The following GALNTL6 variants were observed in gnomAD, a reference collection of about 807,000 sequenced individuals.
GALNTL6 encodes the protein polypeptide N-acetylgalactosaminyltransferase like 6.
GALNTL6 carries 46 observed loss-of-function variants against 73.7 expected under a neutral mutation model. The ratio of observed to expected loss-of-function variants is 0.62; its 90% CI spans 0.49 to 0.80. The LOEUF is 0.80. GALNTL6 is among the 30% of genes least tolerant of loss of function. The probability of loss-of-function intolerance (pLI) is 0.00; values close to 1 mark genes in which losing one functional copy is unlikely to be tolerated. For missense variants in GALNTL6, 604 were observed against 755.0 expected (o/e 0.80, Z 2.34); for synonymous variants, 259 against 263.7 (o/e 0.98, Z 0.17).
chr4:172,743,545 G>A (rs1243506646), intron 5 of GALNTL6, among the ~76,000 whole-genome samples: 1 of 151,860 alleles, frequency 6.6e-6, no homozygotes, highest in Non-Finnish European at 1.5e-5. Flanking sequence ...TGAATTCTGG[G>A]GACTTTATCT....
chr4:172,130,729 C>T (rs114481566), intron 2 of GALNTL6, among the ~76,000 whole-genome samples: 70 of 151,872 alleles, frequency 4.6e-4, no homozygotes, highest in African/African-American at 1.4e-3. Context: ...TGAAAATTAC[C>T]GCAGTTTTAT....
At chr4:172,573,168 T>C (rs1050753197) in intron 5 of GALNTL6, among the ~76,000 whole-genome samples, 3 of 152,138 alleles carry the variant, frequency 2.0e-5, no homozygotes, top group Admixed American at 6.6e-5. Flanking sequence ...ATAAAAACAA[T>C]TATAAATTGA....
chr4:172,683,063 G>A (rs1055940811), intron 5 of GALNTL6, among the ~76,000 whole-genome samples: 1 of 152,280 alleles, frequency 6.6e-6, no homozygotes, highest in African/African-American at 2.4e-5. Flanking sequence ...ACACGAACCT[G>A]TTTCCTGCGT....
chr4:171,967,082 G>C (rs938846591), intron 2 of GALNTL6, among the ~76,000 whole-genome samples: 4 of 152,164 alleles, frequency 2.6e-5, no homozygotes, highest in Non-Finnish European at 5.9e-5. Flanking sequence ...AAACCTCCAA[G>C]TATATTTCAA....
chr4:172,730,784 G>A (rs1435680397), intron 5 of GALNTL6, among the ~76,000 whole-genome samples: 1 of 152,152 alleles, frequency 6.6e-6, no homozygotes, highest in Non-Finnish European at 1.5e-5. Flanking sequence ...TTTTGTAAGA[G>A]TTTGAATAGG....
intron 2 of GALNTL6, among the ~76,000 whole-genome samples, chr4:172,222,809 T>G (rs1736729022): frequency 6.6e-6 from 1 of 151,936 alleles, no homozygotes; most frequent in Non-Finnish European, 1.5e-5. Flanking sequence ...CTTGGTAAGC[T>G]TCATCAAGTT....
intron 5 of GALNTL6, among the ~76,000 whole-genome samples, chr4:172,369,986 C>T (rs1295159673): frequency 3.3e-5 from 5 of 152,302 alleles, no homozygotes; most frequent in Non-Finnish European, 5.9e-5. Flanking sequence ...AAGGAGGCGC[C>T]GAGAGCGAGC....
chr4:172,825,056 C>CT (rs36147306), intron 7 of GALNTL6, among the ~76,000 whole-genome samples: 29,431 of 118,168 alleles, frequency 0.25, 5,585 homozygotes, highest in Middle Eastern at 0.36. Context: ...ATTCTTTTTT[C>CT]TTTTTTTTTT....
chr4:172,663,221 G>A (rs574124835), intron 5 of GALNTL6, among the ~76,000 whole-genome samples: 1 of 152,100 alleles, frequency 6.6e-6, no homozygotes, highest in Non-Finnish European at 1.5e-5. Flanking sequence ...AACTATAATA[G>A]TATCACTCTG....
At chr4:172,336,763 T>A (rs1181577469) in intron 4 of GALNTL6, among the ~76,000 whole-genome samples, 1 of 152,120 alleles carries the variant, frequency 6.6e-6, no homozygotes, top group Non-Finnish European at 1.5e-5. Context: ...TCAAGTACAG[T>A]TTATCAAGTG....
In GALNTL6 at chr4:172,673,723, T is replaced by C. The variant is rs1375965178; in HGVS notation, c.554-135638T>C. On this transcript the variant is annotated intron_variant, in intron 5 of 12. Coordinates refer to ENST00000506823, the MANE Select transcript of GALNTL6 (RefSeq NM_001034845.3). ...TTGAATTGAACCCTTTATTGTTATG[T>C]AATGTCCTTCTTTGTCTTCTTTGAC... Among the ~76,000 whole-genome samples the C allele has an allele frequency of 7.2e-5, 11 of 152,232 alleles. No homozygotes were observed. The East Asian group carries it at 1.9e-3, about 27-fold the overall frequency.
chr4:172,410,574 G>A (rs116817271), intron 5 of GALNTL6, among the ~76,000 whole-genome samples: 51 of 152,066 alleles, frequency 3.4e-4, no homozygotes, highest in African/African-American at 1.2e-3. Flanking sequence ...GTCTGGGTGA[G>A]TCATGTCATC....
chr4:172,453,645 GTACA>G (rs1271706160), intron 5 of GALNTL6, among the ~76,000 whole-genome samples: 1 of 152,216 alleles, frequency 6.6e-6, no homozygotes, highest in Non-Finnish European at 1.5e-5. Context: ...GTCATGAGCT[GTACA>G]AAAGGTCATC....
chr4:172,606,489 T>A lies in GALNTL6; in HGVS notation c.554-202872T>A, dbSNP rs1313767434. ...AAAAAACAAAGAAAACAAAAAAAAA[T>A]AGCTAATAAGAGTACAGAAGGTAAA... On this transcript the variant is annotated intron_variant, in intron 5 of 12. Coordinates refer to ENST00000506823, the MANE Select transcript of GALNTL6 (RefSeq NM_001034845.3). Among the ~76,000 whole-genome samples, 5 of 138,106 alleles carry A rather than the reference T, an allele frequency of 3.6e-5. No homozygotes were observed. In the South Asian group the frequency reaches 9.0e-4, roughly 25 times the overall value. The allele number at this position is 138,106 out of a possible 152,430, so 90.6% of individuals were successfully genotyped here.
chr4:172,106,944 GCTCACCGCAACCTTTGC>G (rs1457288042), intron 2 of GALNTL6, among the ~76,000 whole-genome samples: 4 of 152,186 alleles, frequency 2.6e-5, no homozygotes, highest in Admixed American at 2.0e-4. Flanking sequence ...CACGATCTTG[GCTCACCGCAACCTTTGC>G]CTCCCGGGTT....
At chr4:171,840,612 T>C (rs72982002) in intron 2 of GALNTL6, among the ~76,000 whole-genome samples, 4,718 of 152,244 alleles carry the variant, frequency 0.031, 216 homozygotes, top group East Asian at 0.11. Context: ...CTTAGGAGTG[T>C]GGGTAGCCTT....
chr4:172,429,870 A>G (rs1205853086), intron 5 of GALNTL6, among the ~76,000 whole-genome samples: 2 of 152,154 alleles, frequency 1.3e-5, no homozygotes, highest in Non-Finnish European at 2.9e-5. Flanking sequence ...ATGAATAATA[A>G]TTGTCTATAA....
chr4:172,570,292 G>T (rs1315905013), intron 5 of GALNTL6, among the ~76,000 whole-genome samples: 1 of 152,128 alleles, frequency 6.6e-6, no homozygotes, highest in African/African-American at 2.4e-5. Context: ...GGTGGAGGAT[G>T]GGAGAAGGCT....
chr4:172,242,693 C>T (rs568393549), intron 3 of GALNTL6, among the ~76,000 whole-genome samples: 66 of 152,268 alleles, frequency 4.3e-4, no homozygotes, highest in Non-Finnish European at 7.1e-4. Context: ...ATTGAGTCTT[C>T]TGTCATTTTA....
Sources: gnomAD v4.1 joint callset for allele counts (sites outside exome capture counted in the v4.1 genomes callset) on GRCh38, gnomAD v4.1.1 for gene constraint, MANE v1.5 for transcripts, NCBI Gene and HGNC (gene_info 2026-07-23, HGNC 2026-07-21) for gene names.